Variants in CPNE1 observed in about 807,000 individuals in gnomAD.
CPNE1 encodes the protein copine 1.
In CPNE1, 58 loss-of-function variants were observed where a neutral mutation model predicts 63.2. That is an observed-to-expected ratio of 0.92 (90% CI 0.74 to 1.14). The LOEUF (loss-of-function observed/expected upper bound fraction) is 1.14. CPNE1 is among the 50% of genes most tolerant of loss of function. The pLI, the probability that CPNE1 is intolerant of heterozygous loss-of-function variation, is 0.00. For synonymous variants in CPNE1, 237 were observed against 249.0 expected (o/e 0.95, Z 0.45); for missense variants, 672 against 661.7 (o/e 1.02, Z -0.17).
At chr20:35,656,830 A>G (rs1330494559) in intron 1 of CPNE1, among the ~76,000 whole-genome samples, 1 of 146,938 alleles carries the variant, frequency 6.8e-6, no homozygotes, top group Non-Finnish European at 1.5e-5. Flanking sequence ...TTTAAATATA[A>G]GCCCATAAAA....
Position 35,626,639 on chromosome 20 carries a change from G to A in CPNE1, c.1401C>T (p.Pro467=). The A allele has an allele frequency of 6.2e-7, 1 of 1,614,126 alleles. No individual in the cohort carries two copies. Residue 467 remains proline, a synonymous_variant, in exon 15 of 16, where the codon CCC becomes CCT. Coordinates refer to ENST00000397443, the MANE Select transcript of CPNE1 (RefSeq NM_152925.3). ...CAGCCTGCCCAGAACGTGTATGCAGGGGTCCACCATCAGCGTCCAGCTGCT... is the reference window on the plus strand; with the variant it reads ...CAGCCTGCCCAGAACGTGTATGCAGAGGTCCACCATCAGCGTCCAGCTGCT... The part of the protein sequence containing the change: ...AMEQLDADGG[P]LHTRSGQAAA...
chr20:35,651,074 T>C (rs2033480656), intron 1 of CPNE1: 1 of 152,216 alleles, frequency 6.6e-6, no homozygotes, highest in Non-Finnish European at 1.5e-5. Flanking sequence ...AGGCCAAGTT[T>C]TTCATCACAA....
At chr20:35,645,009 TAC>T (rs1208646651) in intron 1 of CPNE1, among the ~76,000 whole-genome samples, 9 of 152,212 alleles carry the variant, frequency 5.9e-5, no homozygotes, top group Non-Finnish European at 1.2e-4. Flanking sequence ...GGCTGAAATC[TAC>T]ATTCTTTTAA....
chr20:35,631,729 C>CG lies in CPNE1; in HGVS notation c.585dup (p.Val196ArgfsTer21). On this transcript the variant is annotated frameshift_variant, in exon 7 of 16. Transcript: ENST00000397443. LOFTEE classifies it high-confidence loss of function. The stretch of plus-strand genomic sequence containing the variant: ...GGGTTCCCACCACAGAAATGCTGAA[C>CG]GGGGACTGAGAAACGCTTCCATGTA... 1.9e-6 allele frequency: 3 copies of CG among 1,614,062 alleles called. No homozygotes were observed. Among genetic ancestry groups the CG allele is most frequent in the Non-Finnish European group, 2.5e-6 (3 of 1,179,988 alleles).
intron 1 of CPNE1, among the ~76,000 whole-genome samples, chr20:35,658,439 C>T (rs1273494842): frequency 6.6e-6 from 1 of 152,022 alleles, no homozygotes; most frequent in Non-Finnish European, 1.5e-5. Context: ...ACCCATCTAC[C>T]CCACCCCTAT....
rs749667351 is a variant in CPNE1 at position 35,632,511 on chromosome 20, A to G, written c.309+6T>C. 3.1e-6 allele frequency: 5 copies of G among 1,613,192 alleles called. No individual in the cohort carries two copies. The highest frequency in any genetic ancestry group is 4.2e-6 in the Non-Finnish European group (5 of 1,179,430). On this transcript the variant is annotated splice_donor_region_variant and intron_variant, in intron 3 of 15. Transcript: ENST00000397443. ...CTGAAGGATCCTAATCCCCAGCCCT[A>G]CATACCTGTCCTAGGGAACACTCAG... is the stretch of plus-strand genomic sequence containing the variant.
At chr20:35,652,976 A>G (rs1267326694) in intron 1 of CPNE1, 1 of 1,613,650 alleles carries the variant, frequency 6.2e-7, no homozygotes, top group African/African-American at 1.3e-5. Flanking sequence ...CCAAATCCCG[A>G]TGGCCCACTT....
At chr20:35,658,884 C>T (rs1270220681) in intron 1 of CPNE1, 1 of 710,142 alleles carries the variant, frequency 1.4e-6, no homozygotes, top group Admixed American at 2.1e-5. Context: ...TAAGCTATCT[C>T]ATTTTATTTT....
At chr20:35,653,713 C>A (rs1158779687) in intron 1 of CPNE1, 2 of 1,614,050 alleles carry the variant, frequency 1.2e-6, no homozygotes, top group Non-Finnish European at 1.7e-6. Flanking sequence ...GTTGACATCC[C>A]CCTCTGGATT....
chr20:35,627,187 C>CAAAAAGAAAAAAAAA (rs2031807502), intron 14 of CPNE1, 93 bp downstream of exon 14: 1 of 485,186 alleles, frequency 2.1e-6, no homozygotes, highest in Non-Finnish European at 2.8e-6. Context: ...GAGTCCATCT[C>CAAAAAGAAAAAAAAA]AAAAAAAAAA....
At position 35,632,390 on chromosome 20, in the gene CPNE1, G is replaced by A. The variant is rs555224710; in HGVS notation, c.310-5C>T. 4.3e-6 allele frequency: 7 copies of A among 1,613,874 alleles called. No homozygotes were observed. In the South Asian group the frequency reaches 6.6e-5, roughly 15 times the overall value. Reference sequence around the variant, plus strand: ...CAGTACCTGGCTGGACACAATCTGGGGAAAAGCAGGGAAGGGAGTTTCAGG... The same window carrying A: ...CAGTACCTGGCTGGACACAATCTGGAGAAAAGCAGGGAAGGGAGTTTCAGG... On this transcript the variant is annotated splice_region_variant and splice_polypyrimidine_tract_variant and intron_variant, in intron 3 of 15. Transcript: ENST00000397443.
intron 1 of CPNE1, chr20:35,650,880 C>T (rs1041542548): frequency 2.6e-5 from 4 of 152,490 alleles, no homozygotes; most frequent in Non-Finnish European, 5.9e-5. Flanking sequence ...AAAGACTGAC[C>T]CCTTTGTAAC....
At chr20:35,654,552 A>T in intron 1 of CPNE1, 1 of 1,614,234 alleles carries the variant, frequency 6.2e-7, no homozygotes, top group Admixed American at 1.7e-5. Flanking sequence ...CATTCATTCC[A>T]GCAGGTAGAG....
intron 1 of CPNE1, among the ~76,000 whole-genome samples, chr20:35,634,905 ATT>A (rs56017917): frequency 0.017 from 2,083 of 122,036 alleles, 39 homozygotes; most frequent in African/African-American, 0.061. Flanking sequence ...ACACCCAGCT[ATT>A]TTTTTTTTTT....
chr20:35,644,561 C>T (rs553015666), intron 1 of CPNE1, among the ~76,000 whole-genome samples: 9 of 152,198 alleles, frequency 5.9e-5, no homozygotes, highest in Admixed American at 3.9e-4. Flanking sequence ...TAATCCCATA[C>T]TGTAAAAGAA....
intron 14 of CPNE1, 93 bp downstream of exon 14, chr20:35,627,187 C>CA (rs746796889): frequency 0.11 from 56,127 of 530,494 alleles, 33 homozygotes; most frequent in Non-Finnish European, 0.11. Context: ...GAGTCCATCT[C>CA]AAAAAAAAAA....
At chr20:35,642,524 T>C (rs1009541012) in intron 1 of CPNE1, among the ~76,000 whole-genome samples, 1 of 152,198 alleles carries the variant, frequency 6.6e-6, no homozygotes, top group African/African-American at 2.4e-5. Context: ...CATGGAACAT[T>C]GTTTCCCGTA....
At chr20:35,627,181 C>G in intron 14 of CPNE1, 99 bp downstream of exon 14, 1 of 894,466 alleles carries the variant, frequency 1.1e-6, no homozygotes, top group Non-Finnish European at 1.5e-6. Flanking sequence ...GAGCAAGAGT[C>G]CATCTCAAAA....
At chr20:35,651,632 TATGAAAAGGACTTCAAATC>T (rs1470067081) in intron 1 of CPNE1, 1 of 152,258 alleles carries the variant, frequency 6.6e-6, no homozygotes, top group African/African-American at 2.4e-5. Flanking sequence ...AATTAGTCCA[TATGAAAAGGACTTCAAATC>T]AAGTATCTTA....
Sources: allele counts gnomAD v4.1 joint callset (sites outside exome capture counted in the v4.1 genomes callset), GRCh38; gene constraint gnomAD v4.1.1; transcripts MANE v1.5; gene names NCBI Gene and HGNC (gene_info 2026-07-23, HGNC 2026-07-21).